TRAPPC10: variants seen among roughly 807,000 people sequenced by gnomAD.
TRAPPC10 encodes trafficking protein particle complex subunit 10.
Under a neutral mutation model 125.5 loss-of-function variants are expected in TRAPPC10, and 23 were observed. That is an observed-to-expected ratio of 0.18 (90% CI 0.13 to 0.26). The LOEUF (loss-of-function observed/expected upper bound fraction) is 0.26, where lower values mean the gene tolerates loss of function less well. TRAPPC10 is among the 10% of genes least tolerant of loss of function. The probability of loss-of-function intolerance (pLI) is 1.00; values close to 1 mark genes in which losing one functional copy is unlikely to be tolerated. For synonymous variants in TRAPPC10, 509 were observed against 518.0 expected, an observed-to-expected ratio of 0.98 and a Z score of 0.24; for missense variants, 1,123 against 1,308.4, an observed-to-expected ratio of 0.86 and a Z score of 2.19.
intron 4 of TRAPPC10, 143 bp downstream of exon 4, chr21:44,052,619 C>A: frequency 1.3e-6 from 1 of 746,094 alleles, no homozygotes; most frequent in Non-Finnish European, 2.1e-6. Flanking sequence ...GGTGCCTGTC[C>A]TTGTGGAGTT....
chr21:44,085,749 T>A (rs1016831631), intron 15 of TRAPPC10, among the ~76,000 whole-genome samples: 1 of 152,160 alleles, frequency 6.6e-6, no homozygotes, highest in Non-Finnish European at 1.5e-5. Flanking sequence ...TTGATTAAAC[T>A]TGTCCGTCTG....
At chr21:44,016,248 C>T (rs943626837) in intron 1 of TRAPPC10, among the ~76,000 whole-genome samples, 12 of 152,214 alleles carry the variant, frequency 7.9e-5, no homozygotes, top group Non-Finnish European at 1.6e-4. Flanking sequence ...TTTTCAGCCA[C>T]AGGGTCAGTT....
chr21:44,017,867 TGTGGGGTTCCTACACCACAAGCA>T (rs2147129862), intron 1 of TRAPPC10, among the ~76,000 whole-genome samples: 1 of 152,256 alleles, frequency 6.6e-6, no homozygotes, highest in African/African-American at 2.4e-5. Flanking sequence ...GAATACCTTG[TGTGGGGTTCCTACACCACAAGCA>T]TTGCTGTTTC....
At chr21:44,047,369 T>C (rs1423638438) in intron 3 of TRAPPC10, among the ~76,000 whole-genome samples, 1 of 152,002 alleles carries the variant, frequency 6.6e-6, no homozygotes, top group African/African-American at 2.4e-5. Context: ...TTAGTAAAAA[T>C]GGGGTTTCGC....
chr21:44,056,803 G>A (rs1398356621), intron 5 of TRAPPC10, among the ~76,000 whole-genome samples: 4 of 151,986 alleles, frequency 2.6e-5, no homozygotes, highest in Non-Finnish European at 5.9e-5. Flanking sequence ...CTACATCAGT[G>A]GAAAAACCAC....
At chr21:44,012,825 C>G (rs1296347293) in intron 1 of TRAPPC10, among the ~76,000 whole-genome samples, 1 of 151,930 alleles carries the variant, frequency 6.6e-6, no homozygotes, top group East Asian at 1.9e-4. Flanking sequence ...GCGGACTCTG[C>G]CCGGGACTGG....
At position 44,052,285 on chromosome 21, in the gene TRAPPC10, C is replaced by T. The variant is rs758116545; in HGVS notation, c.291C>T (p.Thr97=). The T allele has an allele frequency of 8.1e-5, 128 of 1,580,744 alleles. 1 individual carries two copies. Among genetic ancestry groups the T allele is most frequent in the East Asian group, 3.6e-4 (16 of 44,490 alleles). The change falls in exon 4 of 23, where the codon ACC becomes ACT. Residue 97 remains threonine, a synonymous_variant. Coordinates refer to ENST00000291574, the MANE Select transcript of TRAPPC10 (RefSeq NM_003274.5). ...LHIYWTECCD[T]EVYKATVKDD... ...AGTGACTTGTTTGTTTTTAGGATACCGAAGTGTATAAAGCTACAGTAAAAG... is the reference window on the plus strand; with the variant it reads ...AGTGACTTGTTTGTTTTTAGGATACTGAAGTGTATAAAGCTACAGTAAAAG...
chr21:44,074,191 T>A, intron 7 of TRAPPC10, 133 bp from the exon 8 acceptor site: 1 of 1,057,848 alleles, frequency 9.5e-7, no homozygotes, highest in Non-Finnish European at 1.4e-6. Flanking sequence ...GCTCTGCATA[T>A]CACAGAACTG....
At chr21:44,091,550 G>A (rs977816789) in intron 18 of TRAPPC10, among the ~76,000 whole-genome samples, 11 of 152,054 alleles carry the variant, frequency 7.2e-5, no homozygotes, top group South Asian at 4.2e-4. Context: ...AGCAATGCTC[G>A]TGCCTCAGCC....
chr21:44,089,680 G>C, intron 17 of TRAPPC10, 153 bp from the exon 18 acceptor site: 1 of 656,950 alleles, frequency 1.5e-6, no homozygotes, highest in Non-Finnish European at 2.8e-6. Context: ...TATGTGTTGG[G>C]TAAGGCTTTG....
intron 1 of TRAPPC10, among the ~76,000 whole-genome samples, chr21:44,021,804 A>G (rs1039665256): frequency 6.6e-6 from 1 of 152,144 alleles, no homozygotes; most frequent in African/African-American, 2.4e-5. Flanking sequence ...CTCCCCCTTG[A>G]AACGAGGAAA....
At chr21:44,022,031 T>TTTTAAAAATTTC (rs1321310403) in intron 1 of TRAPPC10, among the ~76,000 whole-genome samples, 1 of 145,940 alleles carries the variant, frequency 6.9e-6, no homozygotes, top group Non-Finnish European at 1.5e-5. Context: ...TTTTTTTTCT[T>TTTTAAAAATTTC]TTTAAAAATT....
intron 6 of TRAPPC10, among the ~76,000 whole-genome samples, chr21:44,060,547 A>T (rs190083325): frequency 1.3e-5 from 2 of 152,168 alleles, no homozygotes; most frequent in East Asian, 3.9e-4. Flanking sequence ...AAGTGCTGGG[A>T]TTGCAGGTGT....
chr21:44,033,970 TA>T (rs1189848553), intron 2 of TRAPPC10, among the ~76,000 whole-genome samples: 2 of 151,796 alleles, frequency 1.3e-5, no homozygotes, highest in African/African-American at 4.8e-5. Context: ...ATAAATGGAC[TA>T]AAAAAAATGG....
chr21:44,028,227 A>G (rs2033247731), intron 1 of TRAPPC10, among the ~76,000 whole-genome samples: 1 of 152,266 alleles, frequency 6.6e-6, no homozygotes, highest in Non-Finnish European at 1.5e-5. Flanking sequence ...TAGTAATCTG[A>G]TTGCATGTAA....
intron 3 of TRAPPC10, among the ~76,000 whole-genome samples, chr21:44,038,874 C>G (rs2145732574): frequency 6.6e-6 from 1 of 152,292 alleles, no homozygotes; most frequent in South Asian, 2.1e-4. Context: ...CCCACGGGCT[C>G]CACACAGCCA....
At chr21:44,055,269 C>G (rs951524054) in intron 4 of TRAPPC10, among the ~76,000 whole-genome samples, 1 of 152,056 alleles carries the variant, frequency 6.6e-6, no homozygotes, top group African/African-American at 2.4e-5. Context: ...TGGTTTCTTA[C>G]CGCCTGCCTC....
At chr21:44,074,061 T>TA (rs1332092709) in intron 7 of TRAPPC10, among the ~76,000 whole-genome samples, 3 of 152,200 alleles carry the variant, frequency 2.0e-5, no homozygotes, top group Admixed American at 6.5e-5. Flanking sequence ...TTTTCAAAAA[T>TA]ACAATAATTG....
Position 44,091,890 on chromosome 21 carries a change from A to T in TRAPPC10, c.2871-33A>T, listed in dbSNP as rs377523988. On this transcript the variant is annotated intron_variant, in intron 18 of 22. Coordinates refer to ENST00000291574, the MANE Select transcript of TRAPPC10 (RefSeq NM_003274.5). ...GATATATTTAATAAAGTTCTTACAT[A>T]TCAAAATAATACTTTTTGTTTTTCC... 3 of 1,605,224 alleles carry T rather than the reference A, an allele frequency of 1.9e-6. No individual in the cohort carries two copies. In the African/African-American group the frequency reaches 4.0e-5, roughly 21 times the overall value.
Sources: allele counts gnomAD v4.1 joint callset (sites outside exome capture counted in the v4.1 genomes callset), GRCh38; gene constraint gnomAD v4.1.1; transcripts MANE v1.5; gene names NCBI Gene and HGNC (gene_info 2026-07-23, HGNC 2026-07-21).